KDM3A: variants seen among roughly 807,000 people sequenced by gnomAD.
The protein encoded by KDM3A is lysine-specific demethylase 3A.
Under a neutral mutation model 158.0 loss-of-function variants are expected in KDM3A, and 60 were observed. The ratio of observed to expected loss-of-function variants is 0.38; its 90% CI spans 0.31 to 0.47. KDM3A has a LOEUF of 0.47. KDM3A is among the 20% of genes least tolerant of loss of function. The probability of loss-of-function intolerance (pLI) is 0.99; values close to 1 mark genes in which losing one functional copy is unlikely to be tolerated. For missense variants in KDM3A, 1,319 were observed against 1,574.3 expected (o/e 0.84, Z 2.74); for synonymous variants, 608 against 549.3 (o/e 1.11, Z -1.49).
intron 11 of KDM3A, among the ~76,000 whole-genome samples, chr2:86,474,234 C>G (rs372200235): frequency 4.6e-4 from 70 of 152,344 alleles, no homozygotes; most frequent in African/African-American, 1.6e-3. Context: ...CCTCCCTCCT[C>G]TTTCCCCTGT....
intron 2 of KDM3A, chr2:86,443,265 A>C (rs1244859303): frequency 6.6e-6 from 1 of 152,250 alleles, no homozygotes; most frequent in Non-Finnish European, 1.5e-5. Context: ...ATGTTCAAAT[A>C]AAGGCAGCAA....
chr2:86,447,288 C>CTTTT (rs751507169), intron 2 of KDM3A, among the ~76,000 whole-genome samples: 2 of 135,644 alleles, frequency 1.5e-5, no homozygotes. Flanking sequence ...AGGAGGTAAA[C>CTTTT]TTTTTTTTTT....
chr2:86,449,525 T>C (rs1439987886), intron 2 of KDM3A, among the ~76,000 whole-genome samples: 1 of 151,920 alleles, frequency 6.6e-6, no homozygotes, highest in African/African-American at 2.4e-5. Context: ...TAAGTAGGGG[T>C]TGTTTGGTTT....
chr2:86,490,815 G>A (rs1674417807), intron 23 of KDM3A, 66 bp from the exon 24 acceptor site: 1 of 1,268,802 alleles, frequency 7.9e-7, no homozygotes, highest in South Asian at 1.5e-5. Context: ...ACTGTTTAGA[G>A]GAAAAAAATG....
chr2:86,437,429 C>G (rs1190760189), upstream of KDM3A, among the ~76,000 whole-genome samples: 1 of 152,174 alleles, frequency 6.6e-6, no homozygotes, highest in African/African-American at 2.4e-5. Flanking sequence ...GCATAAGTCA[C>G]TGCGCCCGGC....
intron 5 of KDM3A, among the ~76,000 whole-genome samples, chr2:86,455,966 A>T (rs1025458362): frequency 2.1e-4 from 32 of 151,828 alleles, no homozygotes; most frequent in Non-Finnish European, 5.9e-5. Flanking sequence ...AAAAAAAAAA[A>T]AAAAAAAGAA....
rs1372455270 is a variant in KDM3A, at chr2:86,482,210, C to A, written c.2685+108C>A. 11 of 1,307,648 alleles carry A rather than the reference C, an allele frequency of 8.4e-6. No individual in the cohort carries two copies. In the Admixed American group the frequency reaches 1.2e-4, roughly 14 times the overall value. 81.0% of individuals were successfully genotyped at this position (1,307,648 alleles called of 1,614,324 possible). ...GAAAGGAGACTGAATCACATACTTA[C>A]CTTTGTGGGTTCAGAAGGCTGAGTC... On this transcript the variant is annotated intron_variant, in intron 17 of 25. Transcript: ENST00000312912.
chr2:86,463,543 A>G (rs983705171), intron 8 of KDM3A, among the ~76,000 whole-genome samples: 1 of 152,192 alleles, frequency 6.6e-6, no homozygotes, highest in Non-Finnish European at 1.5e-5. Context: ...TGAGCCACAT[A>G]AGAGCAAGAA....
intron 17 of KDM3A, 108 bp from the exon 18 acceptor site, chr2:86,482,350 C>G: frequency 6.5e-7 from 1 of 1,528,034 alleles, no homozygotes; most frequent in South Asian, 1.3e-5. Flanking sequence ...GCCTGGGGGT[C>G]CTGGCTTGGA....
rs1329416015 is a variant in KDM3A at position 86,442,107 on chromosome 2, G to A, written c.60G>A (p.Leu20=). Residue 20 remains leucine (L), a synonymous_variant, in exon 2 of 26, where the codon CTG becomes CTA. Transcript: ENST00000312912. ...PVLVGRRFLS[L]SAADGSDGSH... ...TGGTGGGGAGGAGGTTTCTCAGTCT[G>A]TCCGCAGCCGACGGCAGCGATGGCA... 3 of 1,614,046 alleles carry A rather than the reference G, an allele frequency of 1.9e-6. No individual in the cohort carries two copies. Among genetic ancestry groups the A allele is most frequent in the African/African-American group, 1.3e-5 (1 of 74,932 alleles).
chr2:86,456,321 T>A, intron 5 of KDM3A, 121 bp from the exon 6 acceptor site: 2 of 711,904 alleles, frequency 2.8e-6, no homozygotes, highest in Non-Finnish European at 2.2e-6. Flanking sequence ...GTAGTGATTC[T>A]TTTAATGTTT....
Position 86,482,070 on chromosome 2 carries a change from C to G in KDM3A, c.2653C>G (p.Leu885Val). The G allele has an allele frequency of 2.5e-6, 4 of 1,614,124 alleles. No homozygotes were observed. The highest frequency in any genetic ancestry group is 3.4e-6 in the Non-Finnish European group (4 of 1,179,998). Reference sequence around the variant, plus strand: ...CGTAAGCAACAACAATTCTGGTTTCCTCCGGAATCTCTTGAATTCTTCTAC... The same window carrying G: ...CGTAAGCAACAACAATTCTGGTTTCGTCCGGAATCTCTTGAATTCTTCTAC... ...TPVSNNNSGF[L>V]RNLLNSSTGK... The change falls in exon 17 of 26, where the codon CTC becomes GTC. Residue 885 changes from leucine to valine, a missense_variant. This residue lies in a region of KDM3A where 368 missense variants were observed against 415.8 expected (regional missense o/e 0.89). Coordinates refer to ENST00000312912, the MANE Select transcript of KDM3A (RefSeq NM_018433.6).
At chr2:86,449,732 TC>T (rs1672359487) in intron 2 of KDM3A, 74 bp from the exon 3 acceptor site, 2 of 1,458,824 alleles carry the variant, frequency 1.4e-6, no homozygotes, top group Non-Finnish European at 1.9e-6. Context: ...AAGGTATAGT[TC>T]AGCTGGGGCA....
chr2:86,491,376 A>T (rs1475511899), intron 25 of KDM3A, 101 bp downstream of exon 25: 6 of 1,197,976 alleles, frequency 5.0e-6, no homozygotes, highest in Non-Finnish European at 7.3e-6. Context: ...GCCATATCGT[A>T]CTTAGTACAC....
Position 86,489,650 on chromosome 2 carries a change from T to C in KDM3A, c.3564T>C (p.Phe1188=), listed in dbSNP as rs1674359489. 3 of 1,610,436 alleles carry C rather than the reference T, an allele frequency of 1.9e-6. No individual in the cohort carries two copies. The highest frequency in any genetic ancestry group is 2.7e-5 in the African/African-American group (2 of 74,564). ...AGGACACGGAGAAGATAAGGGAATT[T>C]CTTAAAAAGGTGTGCTGCTTATGGC... ...AAKDTEKIRE[F]LKKVSEEQGQ... Residue 1188 remains phenylalanine (F), a synonymous_variant, in exon 23 of 26, where the codon TTT becomes TTC. Coordinates refer to ENST00000312912, the MANE Select transcript of KDM3A (RefSeq NM_018433.6).
Position 86,451,120 on chromosome 2 carries a change from G to A in KDM3A, c.360G>A (p.Leu120=), listed in dbSNP as rs1400884211. The A allele has an allele frequency of 6.2e-7, 1 of 1,608,398 alleles. No homozygotes were observed. The highest frequency in any genetic ancestry group is 1.3e-5 in the African/African-American group (1 of 74,584). ...QWPAITYKPL[L]DKAGLGSITS... The stretch of plus-strand genomic sequence containing the variant: ...TGTTTTAGACGTACAAACCTCTGTT[G>A]GACAAAGCTGGTTTGGGATCCATAA... The change falls in exon 4 of 26, where the codon TTG becomes TTA. Residue 120 remains leucine, a synonymous_variant. Coordinates refer to ENST00000312912, the MANE Select transcript of KDM3A (RefSeq NM_018433.6).
intron 4 of KDM3A, among the ~76,000 whole-genome samples, chr2:86,451,539 G>A (rs1248411463): frequency 1.3e-5 from 2 of 152,166 alleles, no homozygotes; most frequent in South Asian, 4.1e-4. Context: ...AGTGGAAGTA[G>A]ATCATTATAA....
chr2:86,448,059 C>T (rs1283982807), intron 2 of KDM3A, among the ~76,000 whole-genome samples: 2 of 152,216 alleles, frequency 1.3e-5, no homozygotes, highest in Non-Finnish European at 2.9e-5. Context: ...TGATAGAAAA[C>T]ATATAACCAG....
At chr2:86,449,995 G>A in intron 3 of KDM3A, 33 bp downstream of exon 3, 1 of 1,577,982 alleles carries the variant, frequency 6.3e-7, no homozygotes, top group Non-Finnish European at 8.6e-7. Flanking sequence ...GAACTCCTGA[G>A]AAGAGGGCAT....
Sources: allele counts gnomAD v4.1 joint callset (sites outside exome capture counted in the v4.1 genomes callset), GRCh38; gene constraint gnomAD v4.1.1; regional missense constraint gnomAD v4.1.1; transcripts MANE v1.5; gene names NCBI Gene and HGNC (gene_info 2026-07-23, HGNC 2026-07-21).